The following LRBA variants were observed in gnomAD, a reference collection of about 807,000 sequenced individuals.
The protein encoded by LRBA is LPS responsive beige-like anchor protein.
In LRBA, 176 loss-of-function variants were observed where a neutral mutation model predicts 330.0. That is an observed-to-expected ratio of 0.53 (90% CI 0.47 to 0.60). LRBA has a LOEUF of 0.60. Ranked by LOEUF, LRBA falls within the 20% of genes least tolerant of loss-of-function variation. LRBA has a pLI of 0.00. For synonymous variants in LRBA, 1,230 were observed against 1,193.0 expected (o/e 1.03, Z -0.64); for missense variants, 3,259 against 3,444.8 (o/e 0.95, Z 1.35).
intron 22 of LRBA, among the ~76,000 whole-genome samples, chr4:150,867,256 T>C (rs994368804): frequency 6.6e-6 from 1 of 152,092 alleles, no homozygotes; most frequent in African/African-American, 2.4e-5. Flanking sequence ...TCTTTGAATA[T>C]AGTGCGCCAC....
At chr4:150,676,876 A>ATT (rs1782606251) in intron 37 of LRBA, among the ~76,000 whole-genome samples, 1 of 152,198 alleles carries the variant, frequency 6.6e-6, no homozygotes, top group Non-Finnish European at 1.5e-5. Flanking sequence ...TTGTCAAAGA[A>ATT]AAGTGTTCTT....
intron 13 of LRBA, among the ~76,000 whole-genome samples, chr4:150,901,672 G>A (rs1221740815): frequency 1.3e-5 from 2 of 152,224 alleles, no homozygotes; most frequent in African/African-American, 4.8e-5. Context: ...ATGAATTAGA[G>A]TGTCAGTGAA....
intron 40 of LRBA, among the ~76,000 whole-genome samples, chr4:150,571,977 T>C (rs1367671780): frequency 1.3e-5 from 2 of 152,000 alleles, no homozygotes; most frequent in Non-Finnish European, 2.9e-5. Flanking sequence ...ACTTAGGTAT[T>C]ATAACAAAAT....
At chr4:150,489,589 T>TAAGAA (rs70941410) in intron 41 of LRBA, among the ~76,000 whole-genome samples, 6 of 60,762 alleles carry the variant, frequency 9.9e-5, no homozygotes, top group Non-Finnish European at 1.9e-4. Context: ...ATATAATATA[T>TAAGAA]TATATAAGAA....
At chr4:150,810,251 T>G (rs1053008174) in intron 31 of LRBA, among the ~76,000 whole-genome samples, 1 of 152,190 alleles carries the variant, frequency 6.6e-6, no homozygotes, top group Admixed American at 6.5e-5. Flanking sequence ...CCCAACAAGC[T>G]TGGTTCCTTT....
chr4:150,855,982 A>G (rs1751177961), intron 22 of LRBA, among the ~76,000 whole-genome samples: 2 of 152,216 alleles, frequency 1.3e-5, no homozygotes, highest in Non-Finnish European at 2.9e-5. Flanking sequence ...GCAAGTCATT[A>G]GGAAATACAG....
At chr4:150,394,158 G>T (rs1412230133) in intron 47 of LRBA, among the ~76,000 whole-genome samples, 1 of 151,832 alleles carries the variant, frequency 6.6e-6, no homozygotes, top group Non-Finnish European at 1.5e-5. Context: ...TTCTAAATCT[G>T]TCATGTTTAA....
At chr4:151,005,437 CAAAAAAAAAAAAAAAAA>C (rs70941465) in intron 2 of LRBA, among the ~76,000 whole-genome samples, 1 of 60,576 alleles carries the variant, frequency 1.7e-5, no homozygotes, top group Non-Finnish European at 2.7e-5. Flanking sequence ...GACTCCAACT[CAAAAAAAAAAAAAAAAA>C]AAAAAAAAAA....
chr4:150,713,830 A>C (rs147974925), intron 36 of LRBA, among the ~76,000 whole-genome samples: 1 of 152,210 alleles, frequency 6.6e-6, no homozygotes, highest in Non-Finnish European at 1.5e-5. Flanking sequence ...TAAATCGACA[A>C]ATACAATTAT....
chr4:150,689,306 T>C (rs191448151), intron 36 of LRBA, among the ~76,000 whole-genome samples: 230 of 152,036 alleles, frequency 1.5e-3, no homozygotes, highest in Non-Finnish European at 2.4e-3. Flanking sequence ...CCGGGGCCTG[T>C]ATGGGGATGG....
Position 150,831,942 on chromosome 4 carries a change from G to A in LRBA, c.4604C>T (p.Ala1535Val). The change falls in exon 29 of 57, where the codon GCA becomes GTA. Residue 1535 changes from alanine (A) to valine (V), a missense_variant. Transcript: ENST00000651943. ...DSKQAQFLAL[A>V]VVYFISVLMV... The stretch of plus-strand genomic sequence containing the variant: ...AAGAACAGAGATAAAGTATACTACT[G>A]CCAAGGCTAAAAATTGAGCTTGTTT... 1 of 1,549,654 alleles carries A rather than the reference G, an allele frequency of 6.5e-7. No individual in the cohort carries two copies. Among genetic ancestry groups the A allele is most frequent in the East Asian group, 2.3e-5 (1 of 42,978 alleles).
chr4:150,816,770 C>T (rs1309644953), intron 31 of LRBA, among the ~76,000 whole-genome samples: 1 of 151,558 alleles, frequency 6.6e-6, no homozygotes, highest in Non-Finnish European at 1.5e-5. Context: ...TACATGTCAA[C>T]AAGACTTTCT....
Position 150,588,056 on chromosome 4 carries a change from C to T in LRBA, c.6322G>A (p.Asp2108Asn), listed in dbSNP as rs142598024. 444 of 1,611,658 alleles carry T rather than the reference C, an allele frequency of 2.8e-4. No homozygotes were observed. Among genetic ancestry groups the T allele is most frequent in the Admixed American group, 2.0e-3 (122 of 59,726 alleles). The change falls in exon 40 of 57, where the codon GAC (aspartate) becomes AAC (asparagine). Residue 2108 changes from aspartate (D) to asparagine (N), a missense_variant. Physicochemically the swap from Asp to Asn is conservative, Grantham distance 23. Transcript: ENST00000651943. Reference protein sequence around the residue: ...DEEDPNFKKIDPKILAYTEGL... With the variant: ...DEEDPNFKKINPKILAYTEGL... ...CCCCTTCATCTTCTCACCTTGGGGT[C>T]GATTTTTTTGAAGTTAGGATCCTCT...
chr4:150,693,370 C>T (rs1303938891), intron 36 of LRBA, among the ~76,000 whole-genome samples: 2 of 151,296 alleles, frequency 1.3e-5, no homozygotes, highest in Non-Finnish European at 2.9e-5. Context: ...GAGACCATCC[C>T]GGCTAAAACG....
chr4:150,905,523 T>C (rs1385694544), intron 13 of LRBA, among the ~76,000 whole-genome samples: 3 of 152,056 alleles, frequency 2.0e-5, no homozygotes, highest in Non-Finnish European at 4.4e-5. Context: ...ATGAAGTCTC[T>C]CCCAAATAAA....
At position 150,415,456 on chromosome 4, in the gene LRBA, A is replaced by G. The variant is rs368578594; in HGVS notation, c.7176T>C (p.Phe2392=). ...ATCTTACCAATCTGTTTATGTGAAC[A>G]AATTCTTCTGAGGTTTTGGCCCAAG... ...LPPWAKTSEE[F]VHINRLALES... Residue 2392 remains phenylalanine, a synonymous_variant, in exon 47 of 57, where the codon TTT becomes TTC. Transcript: ENST00000651943. 15 of 1,613,378 alleles carry G rather than the reference A, an allele frequency of 9.3e-6. No homozygotes were observed. In the African/African-American group the frequency reaches 1.7e-4, roughly 19 times the overall value.
At chr4:150,561,671 G>C (rs981023589) in intron 40 of LRBA, among the ~76,000 whole-genome samples, 1 of 152,168 alleles carries the variant, frequency 6.6e-6, no homozygotes, top group African/African-American at 2.4e-5. Flanking sequence ...AGACGCTCTA[G>C]AAGAGAATGC....
chr4:150,908,878 G>GTTA (rs758118616), intron 9 of LRBA, 21 bp from the exon 10 acceptor site: 48 of 1,527,782 alleles, frequency 3.1e-5, no homozygotes, highest in Non-Finnish European at 4.0e-5. Context: ...ATTAAAAACA[G>GTTA]TTAAATAGTA....
At chr4:150,318,038 G>C (rs540238649) in intron 50 of LRBA, among the ~76,000 whole-genome samples, 1 of 152,146 alleles carries the variant, frequency 6.6e-6, no homozygotes, top group South Asian at 2.1e-4. Flanking sequence ...GCCATGTTTT[G>C]CCAGTGAGGA....
Sources: allele counts gnomAD v4.1 joint callset (sites outside exome capture counted in the v4.1 genomes callset), GRCh38; gene constraint gnomAD v4.1.1; transcripts MANE v1.5; gene names NCBI Gene and HGNC (gene_info 2026-07-23, HGNC 2026-07-21).